The following HS3ST4 variants were observed in gnomAD, a reference collection of about 807,000 sequenced individuals.
The protein encoded by HS3ST4 is heparan sulfate glucosamine 3-O-sulfotransferase 4.
Under a neutral mutation model 29.2 loss-of-function variants are expected in HS3ST4, and 17 were observed. The observed-to-expected ratio is 0.58, with a 90% CI of 0.40 to 0.87. The LOEUF (loss-of-function observed/expected upper bound fraction) is 0.87, where lower values mean the gene tolerates loss of function less well. Ranked by LOEUF, HS3ST4 falls within the 40% of genes least tolerant of loss-of-function variation. The pLI is 0.00. For synonymous variants in HS3ST4, 314 were observed against 285.7 expected, an observed-to-expected ratio of 1.10 and a Z score of -1.00; for missense variants, 627 against 634.5, an observed-to-expected ratio of 0.99 and a Z score of 0.13.
chr16:26,104,769 T>G (rs1899030234), intron 1 of HS3ST4, among the ~76,000 whole-genome samples: 1 of 152,238 alleles, frequency 6.6e-6, no homozygotes, highest in Non-Finnish European at 1.5e-5. Flanking sequence ...AAGACCCTAT[T>G]TCTCTGTGAG....
intron 1 of HS3ST4, among the ~76,000 whole-genome samples, chr16:25,812,550 T>C (rs1314786307): frequency 1.3e-5 from 2 of 152,238 alleles, no homozygotes; most frequent in African/African-American, 2.4e-5. Context: ...CTTACCTCTC[T>C]TCTCCTATAG....
chr16:26,049,881 C>G (rs1898319145), intron 1 of HS3ST4, among the ~76,000 whole-genome samples: 1 of 152,120 alleles, frequency 6.6e-6, no homozygotes, highest in Non-Finnish European at 1.5e-5. Flanking sequence ...ACAAAGGATA[C>G]AGATGAAGAG....
At chr16:25,957,599 A>G (rs1439610930) in intron 1 of HS3ST4, among the ~76,000 whole-genome samples, 1 of 152,056 alleles carries the variant, frequency 6.6e-6, no homozygotes, top group East Asian at 1.9e-4. Context: ...TTGTATTTTT[A>G]GTGGAGATGG....
intron 1 of HS3ST4, among the ~76,000 whole-genome samples, chr16:25,999,897 TTATATA>T (rs1555477423): frequency 7.6e-6 from 1 of 131,882 alleles, no homozygotes; most frequent in Non-Finnish European, 1.6e-5. Flanking sequence ...TATATATATT[TTATATA>T]TATATATATA....
intron 1 of HS3ST4, among the ~76,000 whole-genome samples, chr16:25,887,353 T>G (rs917686224): frequency 2.6e-5 from 4 of 152,090 alleles, no homozygotes; most frequent in Non-Finnish European, 5.9e-5. Flanking sequence ...GCTATCCTGG[T>G]GGGTGTCTAA....
At chr16:25,929,358 C>A (rs1301140739) in intron 1 of HS3ST4, among the ~76,000 whole-genome samples, 2 of 151,744 alleles carry the variant, frequency 1.3e-5, no homozygotes, top group African/African-American at 4.8e-5. Context: ...GAGTGAGACT[C>A]CATCTCAAAC....
At chr16:25,737,696 T>C (rs895706212) in intron 1 of HS3ST4, among the ~76,000 whole-genome samples, 2 of 152,144 alleles carry the variant, frequency 1.3e-5, no homozygotes, top group Admixed American at 1.3e-4. Context: ...ATGCAATATA[T>C]TCATGTAACA....
intron 1 of HS3ST4, among the ~76,000 whole-genome samples, chr16:25,942,786 T>C (rs1376167850): frequency 1.6e-5 from 2 of 127,630 alleles, no homozygotes; most frequent in Non-Finnish European, 3.2e-5. Flanking sequence ...CCCTGGCTAA[T>C]TTTTTAAAAA....
intron 1 of HS3ST4, among the ~76,000 whole-genome samples, chr16:25,770,585 C>T (rs1045501553): frequency 6.6e-6 from 1 of 152,160 alleles, no homozygotes; most frequent in African/African-American, 2.4e-5. Flanking sequence ...GGACATTTTG[C>T]AGACCAGGTG....
At chr16:26,031,611 C>A (rs966088346) in intron 1 of HS3ST4, among the ~76,000 whole-genome samples, 5 of 151,904 alleles carry the variant, frequency 3.3e-5, no homozygotes, top group African/African-American at 9.7e-5. Flanking sequence ...AAATTAAAAA[C>A]CAAAAGGGAA....
intron 1 of HS3ST4, among the ~76,000 whole-genome samples, chr16:25,982,493 C>T (rs1390914879): frequency 6.6e-6 from 1 of 152,198 alleles, no homozygotes; most frequent in Non-Finnish European, 1.5e-5. Flanking sequence ...AGCCACAGCT[C>T]TCTTAATAAA....
At chr16:25,820,056 GA>G (rs1278202133) in intron 1 of HS3ST4, among the ~76,000 whole-genome samples, 1 of 80,012 alleles carries the variant, frequency 1.2e-5, no homozygotes, top group East Asian at 4.1e-4. Context: ...AAAAGAAAAA[GA>G]AAAAAAGAGG....
At chr16:25,950,330 G>C (rs1968670971) in intron 1 of HS3ST4, among the ~76,000 whole-genome samples, 2 of 151,976 alleles carry the variant, frequency 1.3e-5, no homozygotes, top group Non-Finnish European at 2.9e-5. Flanking sequence ...AACTGTAAAT[G>C]AACAGAGACT....
At chr16:26,094,867 C>T (rs1898903426) in intron 1 of HS3ST4, among the ~76,000 whole-genome samples, 1 of 151,994 alleles carries the variant, frequency 6.6e-6, no homozygotes, top group Admixed American at 6.5e-5. Flanking sequence ...ATTCAGGAGA[C>T]ACATCTCATG....
intron 1 of HS3ST4, among the ~76,000 whole-genome samples, chr16:26,120,958 C>G (rs369643895): frequency 6.6e-6 from 1 of 152,206 alleles, no homozygotes; most frequent in Non-Finnish European, 1.5e-5. Context: ...AATTAACACG[C>G]GTACTGAGCA....
intron 1 of HS3ST4, among the ~76,000 whole-genome samples, chr16:25,987,010 A>G (rs141770073): frequency 1.2e-4 from 19 of 152,340 alleles, no homozygotes; most frequent in Non-Finnish European, 2.8e-4. Context: ...CATGGACTTC[A>G]CATTGATGGA....
chr16:25,898,114 T>G (rs1190193558), intron 1 of HS3ST4, among the ~76,000 whole-genome samples: 1 of 152,230 alleles, frequency 6.6e-6, no homozygotes, highest in African/African-American at 2.4e-5. Context: ...CATGGAGAGC[T>G]GCAGAATCTT....
chr16:25,722,671 A>C (rs935123346), intron 1 of HS3ST4, among the ~76,000 whole-genome samples: 2 of 152,230 alleles, frequency 1.3e-5, no homozygotes, highest in African/African-American at 4.8e-5. Flanking sequence ...GCAGTGAGGC[A>C]TCACAGGCTC....
intron 1 of HS3ST4, among the ~76,000 whole-genome samples, chr16:26,097,765 G>T (rs1402236102): frequency 6.6e-6 from 1 of 152,148 alleles, no homozygotes; most frequent in Non-Finnish European, 1.5e-5. Context: ...CTTCTGCATG[G>T]CAAAATAAAC....
Sources: allele counts gnomAD v4.1 joint callset (sites outside exome capture counted in the v4.1 genomes callset), GRCh38; gene constraint gnomAD v4.1.1; transcripts MANE v1.5; gene names NCBI Gene and HGNC (gene_info 2026-07-23, HGNC 2026-07-21).